Variants in SLC4A4 observed in about 807,000 individuals in gnomAD.
SLC4A4 encodes the protein solute carrier family 4 member 4.
SLC4A4 carries 27 observed loss-of-function variants against 111.5 expected under a neutral mutation model. That is an observed-to-expected ratio of 0.24 (90% CI 0.18 to 0.33). The LOEUF (loss-of-function observed/expected upper bound fraction) is 0.33. Ranked by LOEUF, SLC4A4 falls within the 10% of genes least tolerant of loss-of-function variation. The probability of loss-of-function intolerance (pLI) is 1.00; values close to 1 mark genes in which losing one functional copy is unlikely to be tolerated. For missense variants in SLC4A4, 909 were observed against 1,315.5 expected, an observed-to-expected ratio of 0.69 and a Z score of 4.78; for synonymous variants, 443 against 463.4, an observed-to-expected ratio of 0.96 and a Z score of 0.57.
At chr4:71,089,464 A>C (rs1578468326) in intron 1 of SLC4A4, among the ~76,000 whole-genome samples, 1 of 152,124 alleles carries the variant, frequency 6.6e-6, no homozygotes, top group Non-Finnish European at 1.5e-5. Flanking sequence ...TTGGAGGAGG[A>C]GAGGCGCTCT....
chr4:71,218,588 A>G (rs972811358), intron 1 of SLC4A4, among the ~76,000 whole-genome samples: 3 of 152,172 alleles, frequency 2.0e-5, no homozygotes, highest in African/African-American at 7.2e-5. Context: ...TACTATTAGC[A>G]CTATAATATT....
chr4:71,085,346 T>G (rs1366871819), intron 1 of SLC4A4, among the ~76,000 whole-genome samples: 1 of 152,014 alleles, frequency 6.6e-6, no homozygotes, highest in Non-Finnish European at 1.5e-5. Flanking sequence ...TTTCTCCCAT[T>G]CTGTAGGTTG....
intron 2 of SLC4A4, among the ~76,000 whole-genome samples, chr4:71,153,910 C>T (rs1444394143): frequency 1.3e-5 from 2 of 152,148 alleles, no homozygotes; most frequent in Non-Finnish European, 2.9e-5. Flanking sequence ...GTATGTGATG[C>T]AGGAGCATCA....
intron 1 of SLC4A4, among the ~76,000 whole-genome samples, chr4:71,212,743 T>G (rs1232895318): frequency 6.6e-6 from 1 of 152,172 alleles, no homozygotes; most frequent in Admixed American, 6.5e-5. Context: ...CCAGGTCACA[T>G]TAAATAAACT....
intron 6 of SLC4A4, among the ~76,000 whole-genome samples, chr4:71,365,223 G>A (rs73826297): frequency 5.0e-4 from 76 of 152,310 alleles, no homozygotes; most frequent in African/African-American, 1.8e-3. Context: ...GCTACCACAT[G>A]TGAGTGCTTT....
intron 7 of SLC4A4, among the ~76,000 whole-genome samples, chr4:71,418,073 A>T (rs1721980237): frequency 1.3e-5 from 2 of 152,228 alleles, no homozygotes; most frequent in Admixed American, 1.3e-4. Context: ...TTTTAAAAAA[A>T]TAATGTGAGA....
At chr4:71,437,165 T>C in intron 7 of SLC4A4, 1 of 449,406 alleles carries the variant, frequency 2.2e-6, no homozygotes, top group Non-Finnish European at 4.4e-6. Context: ...ATGCCAGCAA[T>C]ATTGACTCCA....
At chr4:71,452,806 A>G (rs1725892017) in intron 11 of SLC4A4, among the ~76,000 whole-genome samples, 1 of 152,188 alleles carries the variant, frequency 6.6e-6, no homozygotes, top group Non-Finnish European at 1.5e-5. Flanking sequence ...CTTACCCTAA[A>G]GTCACCTTCT....
chr4:71,230,934 G>A (rs1243902760), intron 1 of SLC4A4, among the ~76,000 whole-genome samples: 1 of 152,222 alleles, frequency 6.6e-6, no homozygotes, highest in Non-Finnish European at 1.5e-5. Context: ...CAGGGAAACA[G>A]GTGGCTTCAC....
chr4:71,178,101 G>T (rs911327382), intron 2 of SLC4A4, among the ~76,000 whole-genome samples: 3 of 152,002 alleles, frequency 2.0e-5, no homozygotes, highest in Non-Finnish European at 4.4e-5. Context: ...ACGAAATGAA[G>T]GCAGAAATAA....
chr4:71,167,912 G>T (rs1042663492), intron 2 of SLC4A4, among the ~76,000 whole-genome samples: 1 of 151,918 alleles, frequency 6.6e-6, no homozygotes. Flanking sequence ...TCTATCTTCA[G>T]TCCTCACCCC....
At chr4:71,352,605 G>C (rs1282081695) in intron 5 of SLC4A4, among the ~76,000 whole-genome samples, 1 of 152,354 alleles carries the variant, frequency 6.6e-6, no homozygotes, top group Middle Eastern at 3.4e-3. Context: ...GGCAAGGCCA[G>C]TTACTGAACT....
intron 2 of SLC4A4, among the ~76,000 whole-genome samples, chr4:71,094,259 G>T (rs1742478246): frequency 6.6e-6 from 1 of 152,156 alleles, no homozygotes. Flanking sequence ...GTCTTGTCCT[G>T]CCTGGTTCAA....
intron 2 of SLC4A4, among the ~76,000 whole-genome samples, chr4:71,240,514 T>A (rs543241500): frequency 6.6e-6 from 1 of 152,174 alleles, no homozygotes. Context: ...GGTTTTCCTC[T>A]TCCATTCAAA....
At chr4:71,096,500 A>T (rs985056721) in intron 2 of SLC4A4, among the ~76,000 whole-genome samples, 1 of 152,190 alleles carries the variant, frequency 6.6e-6, no homozygotes, top group Non-Finnish European at 1.5e-5. Context: ...CACAAAATTT[A>T]AAAAGGTGCC....
intron 2 of SLC4A4, among the ~76,000 whole-genome samples, chr4:71,108,158 C>G (rs956171793): frequency 6.6e-6 from 1 of 152,156 alleles, no homozygotes. Context: ...AAAAATGAAT[C>G]TCCTAAATTA....
intron 2 of SLC4A4, among the ~76,000 whole-genome samples, chr4:71,237,001 C>T (rs1271112582): frequency 6.6e-6 from 1 of 152,208 alleles, no homozygotes; most frequent in Non-Finnish European, 1.5e-5. Flanking sequence ...TAAATATATT[C>T]AGCAGCATCT....
chr4:71,336,712 A>G (rs1432447795), intron 3 of SLC4A4, among the ~76,000 whole-genome samples: 1 of 152,152 alleles, frequency 6.6e-6, no homozygotes, highest in Non-Finnish European at 1.5e-5. Flanking sequence ...AGCCAGTATC[A>G]CTTTCTCTAG....
At chr4:71,209,145 A>G (rs1717973879) in intron 1 of SLC4A4, among the ~76,000 whole-genome samples, 1 of 152,250 alleles carries the variant, frequency 6.6e-6, no homozygotes, top group Non-Finnish European at 1.5e-5. Flanking sequence ...ACAAGGGCAC[A>G]TATTTTTTCC....
Sources: allele counts gnomAD v4.1 joint callset (sites outside exome capture counted in the v4.1 genomes callset), GRCh38; gene constraint gnomAD v4.1.1; transcripts MANE v1.5; gene names NCBI Gene and HGNC (gene_info 2026-07-23, HGNC 2026-07-21).